The following CIBAR1 variants were observed in gnomAD, a reference collection of about 807,000 sequenced individuals.
The protein encoded by CIBAR1 is CBY1 interacting BAR domain containing 1.
Under a neutral mutation model 44.0 loss-of-function variants are expected in CIBAR1, and 25 were observed. The ratio of observed to expected loss-of-function variants is 0.57; its 90% CI spans 0.41 to 0.79. CIBAR1 has a LOEUF of 0.79. Ranked by LOEUF, CIBAR1 falls within the 30% of genes least tolerant of loss-of-function variation. CIBAR1 has a pLI of 0.00. For missense variants in CIBAR1, 278 were observed against 344.8 expected, an observed-to-expected ratio of 0.81 and a Z score of 1.53; for synonymous variants, 115 against 119.0, an observed-to-expected ratio of 0.97 and a Z score of 0.22.
intron 7 of CIBAR1, 81 bp downstream of exon 7, chr8:93,718,869 C>T: frequency 8.7e-6 from 6 of 691,864 alleles, no homozygotes; most frequent in South Asian, 3.0e-5. Flanking sequence ...TGATTAATAT[C>T]TTTTTTTTTT....
chr8:93,724,605 T>G, intron 7 of CIBAR1: 1 of 1,259,072 alleles, frequency 7.9e-7, no homozygotes, highest in Non-Finnish European at 1.0e-6. Flanking sequence ...GGTGAGAAAT[T>G]TAGGGAGAAT....
Position 93,728,763 on chromosome 8 carries a change from CATTTG to C in CIBAR1, c.*469_*473del, listed in dbSNP as rs1380619654. 1 of 151,966 alleles carries C rather than the reference CATTTG, an allele frequency of 6.6e-6. No individual in the cohort carries two copies. 9.4% of individuals were successfully genotyped at this position (151,966 alleles called of 1,614,324 possible). The stretch of plus-strand genomic sequence containing the variant: ...TTTTTAACTTTCCCTGAAACTTTAT[CATTTG>C]ATAAGTAAATTTACTTTTCAAGAAG... On this transcript the variant is annotated 3_prime_UTR_variant, in exon 9 of 9. Coordinates refer to ENST00000518322, the MANE Select transcript of CIBAR1 (RefSeq NM_145269.5).
chr8:93,726,070 T>C, intron 7 of CIBAR1: 1 of 212,770 alleles, frequency 4.7e-6, no homozygotes, highest in Non-Finnish European at 9.4e-6. Flanking sequence ...TTCAAAGGTA[T>C]GAGTCGCAGC....
chr8:93,701,190 G>A, intron 1 of CIBAR1, 34 bp from the exon 2 acceptor site: 4 of 1,594,930 alleles, frequency 2.5e-6, no homozygotes, highest in Non-Finnish European at 3.4e-6. Context: ...TCTCTAACGA[G>A]AATGTTTTGC....
chr8:93,710,491 A>T (rs916704626), intron 6 of CIBAR1, among the ~76,000 whole-genome samples: 4 of 152,066 alleles, frequency 2.6e-5, no homozygotes, highest in Non-Finnish European at 2.9e-5. Flanking sequence ...GGCACTTTAC[A>T]TAAATTCTTG....
At chr8:93,719,957 TC>T (rs562228196) in intron 7 of CIBAR1, 13 of 150,890 alleles carry the variant, frequency 8.6e-5, no homozygotes, top group African/African-American at 3.2e-4. Flanking sequence ...ATTTGAAGAT[TC>T]CCCCGATTTT....
chr8:93,705,704 C>G (rs1314989196), intron 4 of CIBAR1, among the ~76,000 whole-genome samples: 3 of 152,176 alleles, frequency 2.0e-5, no homozygotes, highest in African/African-American at 4.8e-5. Flanking sequence ...GTAATTCCAG[C>G]ACTTTGGGAG....
intron 8 of CIBAR1, 113 bp downstream of exon 8, chr8:93,726,626 C>T: frequency 8.3e-7 from 1 of 1,210,688 alleles, no homozygotes; most frequent in Non-Finnish European, 1.2e-6. Flanking sequence ...CTCCCCTGGA[C>T]CTATTTCTTC....
intron 7 of CIBAR1, chr8:93,719,443 A>G (rs1311280957): frequency 3.3e-5 from 5 of 152,230 alleles, no homozygotes; most frequent in Non-Finnish European, 5.9e-5. Flanking sequence ...CATCATGCAC[A>G]ATGCCCAAAG....
rs755856435 is a variant in CIBAR1 at position 93,722,568 on chromosome 8, C to T, written c.657+3780C>T. Among the ~76,000 whole-genome samples the T allele has an allele frequency of 5.3e-5, 8 of 152,110 alleles. No individual in the cohort carries two copies. The East Asian group carries it at 5.8e-4, about 11-fold the overall frequency. On this transcript the variant is annotated intron_variant, in intron 7 of 8. Coordinates refer to ENST00000518322, the MANE Select transcript of CIBAR1 (RefSeq NM_145269.5). ...AAAAAATTAGCCAGGCATGGTGGCG[C>T]GTGCCTGTAATCCCAGCTACTCGAG...
At chr8:93,726,716 T>G (rs1000855631) in intron 8 of CIBAR1, 4 of 565,686 alleles carry the variant, frequency 7.1e-6, no homozygotes, top group Non-Finnish European at 9.2e-6. Flanking sequence ...AATTACATAT[T>G]ACTCTCTAAA....
At chr8:93,702,549 C>CG in intron 2 of CIBAR1, 1 of 455,004 alleles carries the variant, frequency 2.2e-6, no homozygotes, top group Non-Finnish European at 4.4e-6. Flanking sequence ...AAAAGGTAGG[C>CG]AACAAAAAGG....
intron 7 of CIBAR1, among the ~76,000 whole-genome samples, chr8:93,721,757 A>T (rs551165158): frequency 7.6e-4 from 116 of 152,306 alleles, no homozygotes; most frequent in Non-Finnish European, 1.4e-3. Flanking sequence ...AGTAACTTTA[A>T]ATCTACCAGG....
intron 5 of CIBAR1, 32 bp from the exon 6 acceptor site, chr8:93,709,739 T>C (rs1810744738): frequency 2.5e-6 from 4 of 1,578,328 alleles, no homozygotes; most frequent in East Asian, 2.2e-5. Context: ...TTTGATTTTT[T>C]TTATATCCTT....
At position 93,701,390 on chromosome 8, in the gene CIBAR1, C is replaced by G. The variant is rs759392832; in HGVS notation, c.193C>G (p.His65Asp). The change falls in exon 2 of 9, where the codon CAT (histidine) becomes GAT (aspartate). Residue 65 changes from histidine (H) to aspartate (D), a missense_variant. Physicochemically the swap from His to Asp is moderately conservative, Grantham distance 81. Around this residue, in one of 3 missense-constraint regions of CIBAR1, gnomAD observed 183 missense variants for 218.6 expected, o/e 0.84. Coordinates refer to ENST00000518322, the MANE Select transcript of CIBAR1 (RefSeq NM_145269.5). The part of the protein sequence containing the change: ...INAYAATETP[H>D]LKLGLMNFAD... ...CGCGTATGCTGCTACAGAGACCCCGCATTTAAAGCTGGGCCTGATGAACTT... is the reference window on the plus strand; with the variant it reads ...CGCGTATGCTGCTACAGAGACCCCGGATTTAAAGCTGGGCCTGATGAACTT... 19 of 1,613,600 alleles carry G rather than the reference C, an allele frequency of 1.2e-5. No individual in the cohort carries two copies. Among genetic ancestry groups the G allele is most frequent in the Non-Finnish European group, 1.6e-5 (19 of 1,179,842 alleles).
chr8:93,701,554 C>A, intron 2 of CIBAR1, 96 bp downstream of exon 2: 2 of 987,608 alleles, frequency 2.0e-6, no homozygotes, highest in Non-Finnish European at 3.1e-6. Flanking sequence ...TACCTAACTG[C>A]AGAGGTGGAT....
intron 2 of CIBAR1, 140 bp from the exon 3 acceptor site, chr8:93,703,480 T>C: frequency 1.9e-6 from 1 of 538,094 alleles, no homozygotes; most frequent in Non-Finnish European, 3.2e-6. Context: ...TTTCTACTTT[T>C]ACTATTACTG....
chr8:93,700,597 G>A lies in CIBAR1; in HGVS notation c.-51G>A. 1.4e-6 allele frequency: 2 copies of A among 1,461,582 alleles called. No homozygotes were observed. The highest frequency in any genetic ancestry group is 1.8e-6 in the Non-Finnish European group (2 of 1,105,352). The allele number at this position is 1,461,582 out of a possible 1,614,324, so 90.5% of individuals were successfully genotyped here. On this transcript the variant is annotated 5_prime_UTR_variant, in exon 1 of 9. Coordinates refer to ENST00000518322, the MANE Select transcript of CIBAR1 (RefSeq NM_145269.5). ...CCCCAGCGCGCGCCCAGGCGCCTTG[G>A]AATCCCCGTCCTTGGGCCCCCGCAA...
At chr8:93,700,997 G>A in intron 1 of CIBAR1, 1 of 1,411,640 alleles carries the variant, frequency 7.1e-7, no homozygotes, top group Non-Finnish European at 9.2e-7. Flanking sequence ...CACCTCCCCA[G>A]TTAAGGCCAG....
Sources: gnomAD v4.1 joint callset for allele counts (sites outside exome capture counted in the v4.1 genomes callset) on GRCh38, gnomAD v4.1.1 for gene constraint, gnomAD v4.1.1 regional missense constraint, MANE v1.5 for transcripts, NCBI Gene and HGNC (gene_info 2026-07-23, HGNC 2026-07-21) for gene names.